TRERF1: variants seen among roughly 807,000 people sequenced by gnomAD.
TRERF1 encodes the protein transcriptional regulating factor 1.
TRERF1 carries 27 observed loss-of-function variants against 122.9 expected under a neutral mutation model. That is an observed-to-expected ratio of 0.22 (90% confidence interval 0.16 to 0.30). The LOEUF (loss-of-function observed/expected upper bound fraction) is 0.30. TRERF1 is among the 10% of genes least tolerant of loss of function. The pLI is 1.00. For missense variants in TRERF1, 1,248 were observed against 1,560.3 expected (o/e 0.80, Z 3.37); for synonymous variants, 636 against 641.7 (o/e 0.99, Z 0.13).
intron 12 of TRERF1, among the ~76,000 whole-genome samples, chr6:42,255,628 T>C (rs182651974): frequency 2.0e-5 from 3 of 152,300 alleles, no homozygotes; most frequent in Admixed American, 6.5e-5. Context: ...TGCACGCACA[T>C]TGAAAGTCTG....
rs722269 is a variant in TRERF1 at position 42,227,178 on chromosome 6, T to C, written c.*1167A>G. 0.55 allele frequency: 84,242 copies of C among 152,170 alleles called. 25,097 individuals are homozygous for C. The highest frequency in any genetic ancestry group is 0.84 in the East Asian group (4,337 of 5,186). The allele number at this position is 152,170 out of a possible 1,614,324, so 9.4% of individuals were successfully genotyped here. On this transcript the variant is annotated 3_prime_UTR_variant, in exon 18 of 18. Transcript: ENST00000372922. ...GACTTGTGATGAATACATTCATTGT[T>C]TGAATGCAAACATTATAGCTAAGGT...
At chr6:42,341,332 A>AT (rs1353180987) in intron 3 of TRERF1, among the ~76,000 whole-genome samples, 19 of 152,376 alleles carry the variant, frequency 1.2e-4, no homozygotes, top group African/African-American at 4.3e-4. Flanking sequence ...GCCAAATATC[A>AT]ATGAGCATCA....
intron 4 of TRERF1, among the ~76,000 whole-genome samples, chr6:42,280,459 TC>T (rs1782113068): frequency 6.6e-6 from 1 of 152,196 alleles, no homozygotes; most frequent in Admixed American, 6.5e-5. Context: ...GCTCACTTGC[TC>T]GTCTCCGGGA....
intron 13 of TRERF1, among the ~76,000 whole-genome samples, chr6:42,254,177 C>T (rs1012100903): frequency 5.3e-5 from 8 of 152,166 alleles, no homozygotes; most frequent in South Asian, 2.1e-4. Flanking sequence ...CAAAACCCTG[C>T]GTGTATGAAG....
At position 42,228,945 on chromosome 6, in the gene TRERF1, C is replaced by G. The variant is rs575862074; in HGVS notation, c.3279-276G>C. The stretch of plus-strand genomic sequence containing the variant: ...CAAAGGCCTCCTGTCCACCTGGAGT[C>G]TGGAGCACAGGCTCTTTCTCCTCTT... On this transcript the variant is annotated intron_variant, in intron 17 of 17. Coordinates refer to ENST00000372922, the Ensembl canonical transcript of TRERF1. This position sits in a 1 kb window ranked among gnomAD's most constrained non-coding sequence, Gnocchi z 4.2. Among the ~76,000 whole-genome samples the G allele has an allele frequency of 6.6e-6, 1 of 152,336 alleles. No homozygotes were observed. The highest frequency in any genetic ancestry group is 2.4e-5 in the African/African-American group (1 of 41,582).
chr6:42,280,563 C>T (rs13192342), intron 4 of TRERF1, among the ~76,000 whole-genome samples: 4,159 of 152,290 alleles, frequency 0.027, 57 homozygotes, highest in Non-Finnish European at 0.037. Context: ...CTGCAGCCCT[C>T]GGGGTTCAGC....
At position 42,269,139 on chromosome 6, in the gene TRERF1, G is replaced by T; in HGVS notation, c.452C>A (p.Ala151Asp). The T allele has an allele frequency of 6.2e-7, 1 of 1,614,212 alleles. No individual in the cohort carries two copies. The highest frequency in any genetic ancestry group is 8.5e-7 in the Non-Finnish European group (1 of 1,180,044). The change falls in exon 5 of 18, where the codon GCC becomes GAC. Residue 151 changes from alanine to aspartate, a missense_variant. Ala to Asp is a moderately radical substitution (Grantham distance 126). Transcript: ENST00000372922. This position sits in a 1 kb window ranked among gnomAD's most constrained non-coding sequence, Gnocchi z 4.9. Reference sequence around the variant, plus strand: ...GACCTGAATTCGCAGGTTTTGGTTGGCAAACACCTGGGTGAAAGAGTCCAG... The same window carrying T: ...GACCTGAATTCGCAGGTTTTGGTTGTCAAACACCTGGGTGAAAGAGTCCAG...
chr6:42,339,808 TGAGA>T (rs1435202162), intron 3 of TRERF1, among the ~76,000 whole-genome samples: 1 of 152,234 alleles, frequency 6.6e-6, no homozygotes, highest in Non-Finnish European at 1.5e-5. Flanking sequence ...CCAGGTAGAC[TGAGA>T]GAATCTGGAC....
At chr6:42,434,188 G>A (rs537196485) in intron 2 of TRERF1, among the ~76,000 whole-genome samples, 2 of 152,190 alleles carry the variant, frequency 1.3e-5, no homozygotes, top group African/African-American at 4.8e-5. Flanking sequence ...ACCATGAAAG[G>A]GTCTAACATA....
chr6:42,416,312 C>T (rs2151502326), intron 2 of TRERF1, among the ~76,000 whole-genome samples: 1 of 152,302 alleles, frequency 6.6e-6, no homozygotes, highest in African/African-American at 2.4e-5. Context: ...ATGCATCTAG[C>T]ATTCACCATT....
At chr6:42,329,604 C>T (rs1269481125) in intron 3 of TRERF1, among the ~76,000 whole-genome samples, 1 of 152,104 alleles carries the variant, frequency 6.6e-6, no homozygotes, top group Admixed American at 6.5e-5. Context: ...TCCCTCAGGT[C>T]CAGCGAATAT....
intron 3 of TRERF1, among the ~76,000 whole-genome samples, chr6:42,336,422 A>C (rs1315551640): frequency 1.3e-5 from 2 of 152,086 alleles, no homozygotes; most frequent in Non-Finnish European, 2.9e-5. Flanking sequence ...ACAGCCTCTG[A>C]GATCATCATA....
intron 2 of TRERF1, among the ~76,000 whole-genome samples, chr6:42,417,700 C>T (rs902831877): frequency 1.3e-5 from 2 of 152,208 alleles, no homozygotes; most frequent in Admixed American, 6.5e-5. Flanking sequence ...AACACATGGG[C>T]CCTGGAGCCC....
At chr6:42,293,974 G>A (rs1561928960) in intron 4 of TRERF1, among the ~76,000 whole-genome samples, 2 of 152,002 alleles carry the variant, frequency 1.3e-5, no homozygotes, top group Non-Finnish European at 2.9e-5. Flanking sequence ...GAACAATCTT[G>A]GGCCAGGATA....
chr6:42,307,067 G>A (rs1461666675), intron 3 of TRERF1, among the ~76,000 whole-genome samples: 2 of 152,286 alleles, frequency 1.3e-5, no homozygotes, highest in South Asian at 2.1e-4. Context: ...TGAGACCGCC[G>A]ACTTGAAGAA....
At chr6:42,245,826 G>A (rs971787829) in intron 14 of TRERF1, among the ~76,000 whole-genome samples, 4 of 152,222 alleles carry the variant, frequency 2.6e-5, no homozygotes, top group African/African-American at 9.6e-5. Flanking sequence ...AATTATGTAC[G>A]GCCAGGCATG....
At chr6:42,363,455 G>A (rs2150969066) in intron 2 of TRERF1, among the ~76,000 whole-genome samples, 1 of 152,232 alleles carries the variant, frequency 6.6e-6, no homozygotes, top group Admixed American at 6.5e-5. Flanking sequence ...GTCCAAGCAA[G>A]CAGCATCTCT....
chr6:42,373,396 G>A (rs895619846), intron 2 of TRERF1, among the ~76,000 whole-genome samples: 2 of 152,204 alleles, frequency 1.3e-5, no homozygotes, highest in South Asian at 2.1e-4. Context: ...GGCTGGGCAC[G>A]GTGGCTCACA....
intron 2 of TRERF1, among the ~76,000 whole-genome samples, chr6:42,408,306 C>CATACACATGTGTGTGTATGTATAT (rs1209552890): frequency 6.4e-4 from 55 of 85,618 alleles, no homozygotes; most frequent in African/African-American, 3.1e-3. Flanking sequence ...TGTATATATA[C>CATACACATGTGTGTGTATGTATAT]ATACTCATGT....
Sources: allele counts gnomAD v4.1 joint callset (sites outside exome capture counted in the v4.1 genomes callset), GRCh38; gene constraint gnomAD v4.1.1; non-coding constraint Gnocchi (gnomAD v3.1); transcripts MANE v1.5; gene names NCBI Gene and HGNC (gene_info 2026-07-23, HGNC 2026-07-21).